The following TMEM132D variants were observed in gnomAD, a reference collection of about 807,000 sequenced individuals.
TMEM132D encodes mature OL transmembrane protein.
TMEM132D carries 21 observed loss-of-function variants against 62.3 expected under a neutral mutation model. That is an observed-to-expected ratio of 0.34 (90% CI 0.24 to 0.49). The LOEUF is 0.49. TMEM132D is among the 20% of genes least tolerant of loss of function. The pLI is 0.99. For missense variants in TMEM132D, 1,346 were observed against 1,402.8 expected, an observed-to-expected ratio of 0.96 and a Z score of 0.65; for synonymous variants, 621 against 575.6, an observed-to-expected ratio of 1.08 and a Z score of -1.13.
intron 2 of TMEM132D, among the ~76,000 whole-genome samples, chr12:129,561,708 T>C (rs1877239393): frequency 6.6e-6 from 1 of 152,242 alleles, no homozygotes; most frequent in African/African-American, 2.4e-5. Flanking sequence ...TCAATTTGTT[T>C]ATCTCTGGGT....
intron 5 of TMEM132D, among the ~76,000 whole-genome samples, chr12:129,180,176 G>A (rs1377551748): frequency 6.6e-6 from 1 of 151,998 alleles, no homozygotes; most frequent in African/African-American, 2.4e-5. Context: ...AATTCAACGG[G>A]TATCCAGTGC....
At position 129,406,807 on chromosome 12, in the gene TMEM132D, C is replaced by T. The variant is rs531562466; in HGVS notation, c.1116-68990G>A. Among the ~76,000 whole-genome samples, 13 of 152,318 alleles carry T rather than the reference C, an allele frequency of 8.5e-5. No individual in the cohort carries two copies. In the South Asian group the frequency reaches 2.7e-3, roughly 32 times the overall value. ...GCCCTGCGCCTCCACTCACTCTGAG[C>T]TGTGCAAGTGCACGGCTATCCTATA... On this transcript the variant is annotated intron_variant, in intron 3 of 8. Transcript: ENST00000422113.
At chr12:129,419,796 C>T (rs1157137613) in intron 3 of TMEM132D, among the ~76,000 whole-genome samples, 1 of 151,980 alleles carries the variant, frequency 6.6e-6, no homozygotes, top group Non-Finnish European at 1.5e-5. Context: ...ATATAAAATG[C>T]CAAGTCTATG....
In TMEM132D at chr12:129,903,044, G is replaced by A. The variant is rs1370727740; in HGVS notation, c.79+217C>T. 6.6e-6 allele frequency among the ~76,000 whole-genome samples: 1 copy of A among 152,170 alleles called. No homozygotes were observed. Among genetic ancestry groups the A allele is most frequent in the Non-Finnish European group, 1.5e-5 (1 of 68,032 alleles). On this transcript the variant is annotated intron_variant, in intron 1 of 8. Transcript: ENST00000422113. This position sits in a 1 kb window ranked among gnomAD's most constrained non-coding sequence, Gnocchi z 6.2. ...GTCTCACCTAAGGCCTCCCACCCAA[G>A]TGCTCCAGGACAAGCACCTTCGGCC...
chr12:129,384,098 A>C (rs78787459), intron 3 of TMEM132D, among the ~76,000 whole-genome samples: 2,377 of 152,332 alleles, frequency 0.016, 61 homozygotes, highest in African/African-American at 0.054. Context: ...CGAAGGCTGG[A>C]ACAACACATG....
At chr12:129,530,677 A>G (rs1039487309) in intron 3 of TMEM132D, among the ~76,000 whole-genome samples, 26 of 152,202 alleles carry the variant, frequency 1.7e-4, no homozygotes, top group African/African-American at 6.3e-4. Context: ...GTGAAGAGAG[A>G]CGTATAGGCT....
Position 129,365,862 on chromosome 12 carries a change from G to C in TMEM132D, c.1116-28045C>G, listed in dbSNP as rs555465973. ...TGTCTGCTGAGCACACGTGCCGCAG[G>C]GGGGCAGCCCAGCCTTCCTGGACAG... On this transcript the variant is annotated intron_variant, in intron 3 of 8. Coordinates refer to ENST00000422113, the MANE Select transcript of TMEM132D (RefSeq NM_133448.3). Among the ~76,000 whole-genome samples the C allele has an allele frequency of 4.9e-4, 74 of 151,956 alleles. 2 individuals are homozygous for C. In the South Asian group the frequency reaches 0.013, roughly 27 times the overall value.
intron 1 of TMEM132D, among the ~76,000 whole-genome samples, chr12:129,816,352 G>A (rs1872345208): frequency 6.6e-6 from 1 of 152,074 alleles, no homozygotes; most frequent in Admixed American, 6.6e-5. Flanking sequence ...CTGGTGAAGT[G>A]GAACCGGGAG....
intron 2 of TMEM132D, among the ~76,000 whole-genome samples, chr12:129,679,302 A>C (rs889310879): frequency 6.6e-6 from 1 of 152,058 alleles, no homozygotes; most frequent in Non-Finnish European, 1.5e-5. Flanking sequence ...TTTATTTTTA[A>C]AATGTTATAA....
chr12:129,769,523 A>G (rs1471236436), intron 1 of TMEM132D, among the ~76,000 whole-genome samples: 2 of 152,182 alleles, frequency 1.3e-5, no homozygotes, highest in Non-Finnish European at 2.9e-5. Flanking sequence ...GTGGGTACAC[A>G]GCCAAACCGT....
chr12:129,702,349 A>G (rs1310169852), intron 1 of TMEM132D, among the ~76,000 whole-genome samples: 2 of 152,382 alleles, frequency 1.3e-5, no homozygotes, highest in East Asian at 3.9e-4. Context: ...AATATCATAG[A>G]TATAAAAAGG....
chr12:129,440,885 A>G (rs1463369731), intron 3 of TMEM132D, among the ~76,000 whole-genome samples: 1 of 152,262 alleles, frequency 6.6e-6, no homozygotes, highest in Non-Finnish European at 1.5e-5. Context: ...TGTTTGCAAC[A>G]GAAATTAAAA....
chr12:129,477,532 C>T (rs1476660356), intron 3 of TMEM132D, among the ~76,000 whole-genome samples: 1 of 152,146 alleles, frequency 6.6e-6, no homozygotes, highest in Non-Finnish European at 1.5e-5. Context: ...TAAAAATAGA[C>T]AAACAGGACT....
intron 2 of TMEM132D, among the ~76,000 whole-genome samples, chr12:129,679,127 A>G (rs960695448): frequency 1.2e-4 from 18 of 151,786 alleles, no homozygotes; most frequent in Non-Finnish European, 1.9e-4. Context: ...TCCCTAAAAA[A>G]CCTAGTTTTT....
At chr12:129,505,505 G>A (rs144723898) in intron 3 of TMEM132D, among the ~76,000 whole-genome samples, 107 of 152,138 alleles carry the variant, frequency 7.0e-4, no homozygotes, top group African/African-American at 2.2e-3. Context: ...GGCCTCCCAC[G>A]GTGCTGGGAT....
At chr12:129,793,925 G>C (rs1198369231) in intron 1 of TMEM132D, among the ~76,000 whole-genome samples, 1 of 151,974 alleles carries the variant, frequency 6.6e-6, no homozygotes, top group African/African-American at 2.4e-5. Context: ...CTTAATTTTT[G>C]TTTGTAAGTA....
At chr12:129,601,662 C>T (rs879371028) in intron 2 of TMEM132D, among the ~76,000 whole-genome samples, 8 of 151,874 alleles carry the variant, frequency 5.3e-5, no homozygotes, top group Non-Finnish European at 1.2e-4. Flanking sequence ...GAATAGGAGG[C>T]GAGAAGAGAG....
chr12:129,081,402 G>A (rs1033069642), intron 7 of TMEM132D, among the ~76,000 whole-genome samples: 6 of 152,114 alleles, frequency 3.9e-5, no homozygotes, highest in Admixed American at 1.3e-4. Flanking sequence ...AGGCCCGAGC[G>A]ATCCTTGCAC....
At chr12:129,729,383 T>C (rs922291413) in intron 1 of TMEM132D, among the ~76,000 whole-genome samples, 7 of 152,216 alleles carry the variant, frequency 4.6e-5, no homozygotes, top group African/African-American at 1.7e-4. Flanking sequence ...TTCTATGCAT[T>C]GCAGAAAACT....
Sources: allele counts gnomAD v4.1 joint callset (sites outside exome capture counted in the v4.1 genomes callset), GRCh38; gene constraint gnomAD v4.1.1; non-coding constraint Gnocchi (gnomAD v3.1); transcripts MANE v1.5; gene names NCBI Gene and HGNC (gene_info 2026-07-23, HGNC 2026-07-21).